UBE3D: variants seen among roughly 807,000 people sequenced by gnomAD.
UBE3D encodes the protein ubiquitin protein ligase E3D, also known as E3 ubiquitin-protein ligase E3D.
UBE3D carries 48 observed loss-of-function variants against 49.6 expected under a neutral mutation model. The observed-to-expected ratio is 0.97, with a 90% CI of 0.77 to 1.23. The LOEUF (loss-of-function observed/expected upper bound fraction) is 1.23, where lower values mean the gene tolerates loss of function less well. Ranked by LOEUF, UBE3D falls within the 50% of genes most tolerant of loss-of-function variation. The pLI is 0.00. For synonymous variants in UBE3D, 189 were observed against 174.2 expected, an observed-to-expected ratio of 1.08 and a Z score of -0.67; for missense variants, 452 against 468.4, an observed-to-expected ratio of 0.96 and a Z score of 0.32.
intron 9 of UBE3D, among the ~76,000 whole-genome samples, chr6:82,940,258 C>T (rs546786032): frequency 7.8e-4 from 118 of 152,148 alleles, no homozygotes; most frequent in Non-Finnish European, 1.1e-3. Flanking sequence ...AGAATACCTG[C>T]TTATTTCCCC....
At chr6:83,027,989 C>T (rs1377269453) in intron 5 of UBE3D, among the ~76,000 whole-genome samples, 5 of 152,072 alleles carry the variant, frequency 3.3e-5, no homozygotes, top group Non-Finnish European at 7.4e-5. Context: ...TTTTTCTTGT[C>T]ATCTATCTTT....
chr6:82,935,006 TG>T, intron 9 of UBE3D, among the ~76,000 whole-genome samples: 1 of 140,690 alleles, frequency 7.1e-6, no homozygotes, highest in Non-Finnish European at 1.6e-5. Flanking sequence ...AATGCAAGAA[TG>T]ACTCTAATAG....
chr6:83,055,622 T>C (rs1464533271), intron 2 of UBE3D, among the ~76,000 whole-genome samples: 2 of 152,184 alleles, frequency 1.3e-5, no homozygotes, highest in Admixed American at 6.5e-5. Context: ...AGAGGAATCC[T>C]GGGAGAGCGT....
chr6:83,002,113 G>C (rs1779672642), intron 8 of UBE3D, among the ~76,000 whole-genome samples: 1 of 152,144 alleles, frequency 6.6e-6, no homozygotes, highest in South Asian at 2.1e-4. Context: ...TGAACATGTG[G>C]ATGCTTTTGC....
chr6:82,952,389 T>A (rs906393042), intron 9 of UBE3D, among the ~76,000 whole-genome samples: 10 of 150,876 alleles, frequency 6.6e-5, no homozygotes, highest in African/African-American at 9.7e-5. Context: ...CTAAAAAAAA[T>A]TAGCTATTAT....
intron 3 of UBE3D, among the ~76,000 whole-genome samples, chr6:83,045,301 GA>G (rs1341648453): frequency 1.3e-5 from 2 of 152,122 alleles, no homozygotes; most frequent in East Asian, 1.9e-4. Context: ...TTTCATAAAT[GA>G]ATACTATCAT....
At chr6:83,063,567 G>A (rs1408721307) in intron 1 of UBE3D, among the ~76,000 whole-genome samples, 2 of 151,858 alleles carry the variant, frequency 1.3e-5, no homozygotes, top group Non-Finnish European at 2.9e-5. Flanking sequence ...ATCTGATTAT[G>A]GGCAAAAAAA....
chr6:82,978,041 T>C (rs1334548262), intron 8 of UBE3D, among the ~76,000 whole-genome samples: 1 of 150,860 alleles, frequency 6.6e-6, no homozygotes, highest in Non-Finnish European at 1.5e-5. Flanking sequence ...AGAAACAACC[T>C]CTCTCTCATG....
At chr6:83,055,631 G>A (rs1363391317) in intron 2 of UBE3D, among the ~76,000 whole-genome samples, 4 of 152,156 alleles carry the variant, frequency 2.6e-5, no homozygotes, top group South Asian at 2.1e-4. Context: ...CTGGGAGAGC[G>A]TTGCTGCGGG....
intron 8 of UBE3D, among the ~76,000 whole-genome samples, chr6:82,963,228 G>A (rs1582480811): frequency 1.5e-5 from 2 of 130,580 alleles, no homozygotes; most frequent in African/African-American, 2.9e-5. Context: ...AAATAAAAGA[G>A]AACAAAATGG....
chr6:83,003,745 A>C (rs1431625788), intron 8 of UBE3D, among the ~76,000 whole-genome samples: 1 of 152,214 alleles, frequency 6.6e-6, no homozygotes, highest in Non-Finnish European at 1.5e-5. Flanking sequence ...AAGGTACAGG[A>C]AAGATAGAGT....
rs56663287 is a variant in UBE3D at position 82,995,490 on chromosome 6, T to TCACA, written c.1010+23479_1010+23482dup. 4.9e-3 allele frequency among the ~76,000 whole-genome samples: 679 copies of TCACA among 138,272 alleles called. 6 individuals are homozygous for TCACA. The highest frequency in any genetic ancestry group is 6.1e-3 in the Non-Finnish European group (393 of 64,374). 90.7% of individuals were successfully genotyped at this position (138,272 alleles called of 152,430 possible). On this transcript the variant is annotated intron_variant, in intron 8 of 9. Coordinates refer to ENST00000369747, the MANE Select transcript of UBE3D (RefSeq NM_198920.3). ...CCAGATAAAGGATTAATACTAACAA[T>TCACA]CACACACACACACACACACACACAC...
intron 8 of UBE3D, among the ~76,000 whole-genome samples, chr6:83,002,455 T>C (rs9344329): frequency 0.77 from 116,655 of 152,074 alleles, 44,919 homozygotes; most frequent in East Asian, 0.9. Flanking sequence ...GAGGCCAAGG[T>C]GGGTGGATCA....
chr6:82,931,144 C>G (rs925297622), intron 9 of UBE3D, among the ~76,000 whole-genome samples: 1 of 152,218 alleles, frequency 6.6e-6, no homozygotes, highest in African/African-American at 2.4e-5. Context: ...GCCTTGGTGG[C>G]TTACACATGG....
chr6:82,999,697 T>C lies in UBE3D; in HGVS notation c.1010+19276A>G, dbSNP rs540320773. ...ACTGCACCCAGCCCCCTGTTGGCTTTTAAATGGACTCAAGTCAGTCTAACC... is the reference window on the plus strand; with the variant it reads ...ACTGCACCCAGCCCCCTGTTGGCTTCTAAATGGACTCAAGTCAGTCTAACC... On this transcript the variant is annotated intron_variant, in intron 8 of 9. Transcript: ENST00000369747. 9.2e-5 allele frequency among the ~76,000 whole-genome samples: 14 copies of C among 152,264 alleles called. No homozygotes were observed. In the South Asian group the frequency reaches 2.7e-3, roughly 29 times the overall value.
downstream of UBE3D, among the ~76,000 whole-genome samples, chr6:82,890,231 CTT>C (rs527295559): frequency 5.8e-3 from 887 of 152,242 alleles, 4 homozygotes; most frequent in Non-Finnish European, 9.1e-3. Context: ...CCCTGTGTCT[CTT>C]TGTTTCTGTG....
At chr6:83,040,296 A>G (rs1386535455) in intron 4 of UBE3D, among the ~76,000 whole-genome samples, 1 of 151,952 alleles carries the variant, frequency 6.6e-6, no homozygotes, top group Non-Finnish European at 1.5e-5. Flanking sequence ...AGGCAGGAGA[A>G]TCACAGGAAC....
At chr6:82,907,271 T>G (rs949638699) in intron 9 of UBE3D, among the ~76,000 whole-genome samples, 1 of 152,168 alleles carries the variant, frequency 6.6e-6, no homozygotes, top group Admixed American at 6.5e-5. Context: ...GGCTATGCCA[T>G]AGAAAATTAA....
downstream of UBE3D, among the ~76,000 whole-genome samples, chr6:82,887,393 T>G (rs1186242778): frequency 6.7e-5 from 9 of 135,064 alleles, no homozygotes; most frequent in Non-Finnish European, 1.1e-4. Context: ...GTAACAGTTT[T>G]TTTTTTTTTT....
Sources: allele counts gnomAD v4.1 joint callset (sites outside exome capture counted in the v4.1 genomes callset), GRCh38; gene constraint gnomAD v4.1.1; transcripts MANE v1.5; gene names NCBI Gene and HGNC (gene_info 2026-07-23, HGNC 2026-07-21).